Variants in ATXN10 observed in about 807,000 individuals in gnomAD.
ATXN10 encodes the protein ataxin-10.
A neutral mutation model predicts 52.9 loss-of-function variants in ATXN10; 28 were observed. That is an observed-to-expected ratio of 0.53 (90% CI 0.39 to 0.73). The LOEUF (loss-of-function observed/expected upper bound fraction) is 0.73. ATXN10 is among the 30% of genes least tolerant of loss of function. The pLI, the probability that ATXN10 is intolerant of heterozygous loss-of-function variation, is 0.00. For synonymous variants in ATXN10, 226 were observed against 221.5 expected, an observed-to-expected ratio of 1.02 and a Z score of -0.18; for missense variants, 565 against 577.0, an observed-to-expected ratio of 0.98 and a Z score of 0.21.
In ATXN10 at chr22:45,764,087, G is replaced by A. The variant is rs1926496824; in HGVS notation, c.1173+23549G>A. ...GCGTGTGCTTGAAATCCTTCCTCACGGTGCACACTCATCTTCAATACTGCA... is the reference window on the plus strand; with the variant it reads ...GCGTGTGCTTGAAATCCTTCCTCACAGTGCACACTCATCTTCAATACTGCA... On this transcript the variant is annotated intron_variant, in intron 9 of 11. Transcript: ENST00000252934. Among the ~76,000 whole-genome samples the A allele has an allele frequency of 6.6e-5, 10 of 152,106 alleles. No individual in the cohort carries two copies. The South Asian group carries it at 2.1e-3, about 32-fold the overall frequency.
chr22:45,830,551 TACAC>T (rs1252897775), intron 10 of ATXN10, among the ~76,000 whole-genome samples: 5 of 152,036 alleles, frequency 3.3e-5, no homozygotes, highest in Non-Finnish European at 5.9e-5. Flanking sequence ...AAGACTTGAG[TACAC>T]ATTTCTCCAG....
At chr22:45,699,480 T>C (rs201261349) in intron 3 of ATXN10, among the ~76,000 whole-genome samples, 2 of 148,488 alleles carry the variant, frequency 1.3e-5, no homozygotes, top group South Asian at 4.3e-4. Flanking sequence ...TTTTTTTTTC[T>C]TTTTCTTTCC....
intron 9 of ATXN10, among the ~76,000 whole-genome samples, chr22:45,747,445 A>G (rs9306479): frequency 0.025 from 3,809 of 150,416 alleles, 172 homozygotes; most frequent in African/African-American, 0.089. Context: ...TCGAGGCTGC[A>G]GTGCACCGTG....
intron 7 of ATXN10, among the ~76,000 whole-genome samples, chr22:45,736,811 C>T (rs1925316056): frequency 6.6e-6 from 1 of 152,070 alleles, no homozygotes; most frequent in African/African-American, 2.4e-5. Flanking sequence ...GCACATGAGG[C>T]TTGGTTGTCT....
intron 10 of ATXN10, chr22:45,811,721 C>A (rs1401154387): frequency 2.1e-6 from 1 of 471,012 alleles, no homozygotes; most frequent in Non-Finnish European, 4.4e-6. Context: ...TCCACACTTG[C>A]ATCATTGCTG....
intron 7 of ATXN10, among the ~76,000 whole-genome samples, chr22:45,735,771 T>C (rs1925269054): frequency 1.4e-5 from 2 of 148,010 alleles, no homozygotes; most frequent in South Asian, 4.4e-4. Flanking sequence ...TTTTTTTTGC[T>C]CACTTCAAAA....
rs1929332300 is a variant in ATXN10, at chr22:45,841,076, T to G, written c.1238-1915T>G. On this transcript the variant is annotated intron_variant, in intron 10 of 11. Transcript: ENST00000252934. The surrounding 1 kb of genome is among the most constrained non-coding windows in gnomAD (Gnocchi z 5.1). The stretch of plus-strand genomic sequence containing the variant: ...ATACCGGGGCTCGTTATCTTTATTC[T>G]CTATACTGGCACAAAGTGGGGGTTC... Among the ~76,000 whole-genome samples the G allele has an allele frequency of 6.6e-6, 1 of 152,070 alleles. No individual in the cohort carries two copies. The highest frequency in any genetic ancestry group is 6.5e-5 in the Admixed American group (1 of 15,274).
intron 6 of ATXN10, among the ~76,000 whole-genome samples, chr22:45,724,496 C>T (rs1191543743): frequency 2.6e-5 from 4 of 152,024 alleles, no homozygotes; most frequent in Middle Eastern, 3.2e-3. Flanking sequence ...ATGTCATTTG[C>T]CCACTTTTTG....
Position 45,843,781 on chromosome 22 carries a change from A to T in ATXN10, c.*110A>T, listed in dbSNP as rs1441047910. 1,225 of 1,093,138 alleles carry T rather than the reference A, an allele frequency of 1.1e-3. 16 individuals are homozygous for T. Among genetic ancestry groups the T allele is most frequent in the Non-Finnish European group, 1.6e-4 (116 of 729,024 alleles). The allele number at this position is 1,093,138 out of a possible 1,614,324, so 67.7% of individuals were successfully genotyped here. On this transcript the variant is annotated 3_prime_UTR_variant, in exon 12 of 12. Transcript: ENST00000252934. The surrounding 1 kb of genome is among the most constrained non-coding windows in gnomAD (Gnocchi z 4.5). The stretch of plus-strand genomic sequence containing the variant: ...GAAGATTTATAAGTACAAATTTGGG[A>T]ACATACAAATCTTTTAGGTAGTAGA...
In ATXN10 at chr22:45,684,395, G is replaced by C. The variant is rs1210891473; in HGVS notation, c.117-5317G>C. On this transcript the variant is annotated intron_variant, in intron 1 of 11. Coordinates refer to ENST00000252934, the MANE Select transcript of ATXN10 (RefSeq NM_013236.4). The surrounding 1 kb of genome is among the most constrained non-coding windows in gnomAD (Gnocchi z 4.1). ...GGTATGTTTGGAGCCCTTTAAAGCAGGGGTTGCCAGACCATGGCCAGATCT... is the reference window on the plus strand; with the variant it reads ...GGTATGTTTGGAGCCCTTTAAAGCACGGGTTGCCAGACCATGGCCAGATCT... Among the ~76,000 whole-genome samples the C allele has an allele frequency of 1.3e-5, 2 of 152,106 alleles. No individual in the cohort carries two copies. Among genetic ancestry groups the C allele is most frequent in the Admixed American group, 6.6e-5 (1 of 15,258 alleles).
At chr22:45,741,935 A>T (rs1277522691) in intron 9 of ATXN10, among the ~76,000 whole-genome samples, 1 of 152,164 alleles carries the variant, frequency 6.6e-6, no homozygotes, top group Non-Finnish European at 1.5e-5. Flanking sequence ...TTCTAGCTTG[A>T]AGAATCAAAG....
intron 9 of ATXN10, among the ~76,000 whole-genome samples, chr22:45,803,792 A>T (rs1928008717): frequency 6.6e-6 from 1 of 151,994 alleles, no homozygotes; most frequent in South Asian, 2.1e-4. Flanking sequence ...TTATCAGAGG[A>T]GAAGTGGGGG....
rs1429922380 is a variant in ATXN10 at position 45,763,715 on chromosome 22, G to T, written c.1173+23177G>T. On this transcript the variant is annotated intron_variant, in intron 9 of 11. Coordinates refer to ENST00000252934, the MANE Select transcript of ATXN10 (RefSeq NM_013236.4). The surrounding 1 kb of genome is among the most constrained non-coding windows in gnomAD (Gnocchi z 6.9). Reference sequence around the variant, plus strand: ...TGCATGCATTTACAGGCACATTTGTGGTTGGTTTTGTCTGCTCTGCTCTTC... The same window carrying T: ...TGCATGCATTTACAGGCACATTTGTTGTTGGTTTTGTCTGCTCTGCTCTTC... 6.6e-6 allele frequency among the ~76,000 whole-genome samples: 1 copy of T among 152,234 alleles called. No homozygotes were observed. Among genetic ancestry groups the T allele is most frequent in the Admixed American group, 6.5e-5 (1 of 15,292 alleles).
At chr22:45,797,636 A>G (rs1410961955) in intron 9 of ATXN10, among the ~76,000 whole-genome samples, 1 of 152,266 alleles carries the variant, frequency 6.6e-6, no homozygotes, top group Non-Finnish European at 1.5e-5. Context: ...TAAGAAGGTA[A>G]TAAAACCAAG....
chr22:45,827,049 G>T (rs1237943576), intron 10 of ATXN10, among the ~76,000 whole-genome samples: 1 of 151,638 alleles, frequency 6.6e-6, no homozygotes, highest in Non-Finnish European at 1.5e-5. Context: ...AGCATTTTTG[G>T]ATGTTACTGA....
chr22:45,821,704 G>A (rs952364389), intron 10 of ATXN10, among the ~76,000 whole-genome samples: 10 of 152,086 alleles, frequency 6.6e-5, no homozygotes, highest in African/African-American at 2.4e-4. Flanking sequence ...ACATTTAGGG[G>A]CTGTATTTCT....
chr22:45,728,720 C>T lies in ATXN10; in HGVS notation c.729-705C>T, dbSNP rs1362584313. On this transcript the variant is annotated intron_variant, in intron 6 of 11. Transcript: ENST00000252934. This position sits in a 1 kb window ranked among gnomAD's most constrained non-coding sequence, Gnocchi z 4.3. ...TTGACCTATGTGTGATTCATTTTTC[C>T]TAGGAGAAGGAAAGAGATGGTTGAA... 6.6e-6 allele frequency among the ~76,000 whole-genome samples: 1 copy of T among 152,052 alleles called. No individual in the cohort carries two copies. The highest frequency in any genetic ancestry group is 2.1e-4 in the South Asian group (1 of 4,828).
chr22:45,831,211 A>G (rs1199919171), intron 10 of ATXN10, among the ~76,000 whole-genome samples: 1 of 152,142 alleles, frequency 6.6e-6, no homozygotes, highest in Non-Finnish European at 1.5e-5. Context: ...AAGAAAGGGA[A>G]TTACTGTTTA....
intron 10 of ATXN10, among the ~76,000 whole-genome samples, chr22:45,832,845 CA>C (rs1249098790): frequency 1.3e-5 from 2 of 152,192 alleles, no homozygotes; most frequent in African/African-American, 4.8e-5. Flanking sequence ...ATGAAATATT[CA>C]GTACTTCAGA....
Sources: allele counts gnomAD v4.1 joint callset (sites outside exome capture counted in the v4.1 genomes callset), GRCh38; gene constraint gnomAD v4.1.1; non-coding constraint Gnocchi (gnomAD v3.1); transcripts MANE v1.5; gene names NCBI Gene and HGNC (gene_info 2026-07-23, HGNC 2026-07-21).